CHD9NB: variants seen among roughly 807,000 people sequenced by gnomAD.
CHD9NB encodes CHD9 neighbor, also known as CHD9 neighbor protein.
chr16:53,044,600 C>A, the CHD9NB span, among the ~76,000 whole-genome samples: 3 of 152,298 alleles, frequency 2.0e-5, no homozygotes, highest in Admixed American at 6.5e-5. Context: ...TAGAGACCAC[C>A]CTTTAACCTA....
chr16:53,049,144 C>T, the CHD9NB span, among the ~76,000 whole-genome samples: 1 of 152,112 alleles, frequency 6.6e-6, no homozygotes, highest in African/African-American at 2.4e-5. Context: ...CAGGCATGAG[C>T]CACTGGGCCC....
At chr16:53,048,813 G>T in the CHD9NB span, among the ~76,000 whole-genome samples, 1 of 152,166 alleles carries the variant, frequency 6.6e-6, no homozygotes, top group Non-Finnish European at 1.5e-5. Flanking sequence ...GGAAGCTGGG[G>T]ACATAAGCAC....
chr16:53,042,048 T>C, the CHD9NB span, among the ~76,000 whole-genome samples: 1 of 152,208 alleles, frequency 6.6e-6, no homozygotes, highest in Non-Finnish European at 1.5e-5. Flanking sequence ...CCTCCTTCCT[T>C]ATTTTTTCCT....
At chr16:53,051,714 C>T in the CHD9NB span, among the ~76,000 whole-genome samples, 2 of 145,178 alleles carry the variant, frequency 1.4e-5, no homozygotes, top group African/African-American at 5.3e-5. Flanking sequence ...CACATGTATA[C>T]ATATGTAACA....
At chr16:53,049,322 TTGTG>T in the CHD9NB span, among the ~76,000 whole-genome samples, 38,505 of 144,684 alleles carry the variant, frequency 0.27, 5,649 homozygotes, top group Non-Finnish European at 0.34. Context: ...CCCCCAGCTG[TTGTG>T]TGTGTGTGTG....
At chr16:53,051,819 C>T in the CHD9NB span, among the ~76,000 whole-genome samples, 5,446 of 113,506 alleles carry the variant, frequency 0.048, 126 homozygotes, top group African/African-American at 0.072. Flanking sequence ...ATAATGAGTA[C>T]CTTGCCTATC....
the CHD9NB span, among the ~76,000 whole-genome samples, chr16:53,038,985 C>G: frequency 6.6e-6 from 1 of 151,790 alleles, no homozygotes. Flanking sequence ...AAAACTCAAC[C>G]CCTCATCTTC....
chr16:53,041,057 C>T, the CHD9NB span, among the ~76,000 whole-genome samples: 1 of 151,358 alleles, frequency 6.6e-6, no homozygotes, highest in African/African-American at 2.4e-5. Context: ...GACTGAAGAA[C>T]AGATGGGTGG....
chr16:53,048,640 A>G, the CHD9NB span, among the ~76,000 whole-genome samples: 2 of 152,198 alleles, frequency 1.3e-5, no homozygotes, highest in African/African-American at 4.8e-5. Context: ...TTATTGAACC[A>G]CAAGGTACAA....
At chr16:53,036,519 A>G in the CHD9NB span, among the ~76,000 whole-genome samples, 1 of 152,064 alleles carries the variant, frequency 6.6e-6, no homozygotes, top group Non-Finnish European at 1.5e-5. Flanking sequence ...GTGTGTGGGG[A>G]GAGAATGCAG....
chr16:53,051,478 A>T, the CHD9NB span, among the ~76,000 whole-genome samples: 1 of 151,878 alleles, frequency 6.6e-6, no homozygotes, highest in Non-Finnish European at 1.5e-5. Context: ...AGGGACATGG[A>T]TGAAGCTGGA....
the CHD9NB span, among the ~76,000 whole-genome samples, chr16:53,039,574 G>A: frequency 1.3e-5 from 2 of 152,008 alleles, no homozygotes; most frequent in Admixed American, 6.6e-5. Flanking sequence ...GCAAAACCCC[G>A]TCTCTACTAA....
the CHD9NB span, among the ~76,000 whole-genome samples, chr16:53,036,244 G>A: frequency 6.6e-6 from 1 of 152,172 alleles, no homozygotes; most frequent in Non-Finnish European, 1.5e-5. Context: ...CGTAAGGTAT[G>A]AATTTTACCT....
the CHD9NB span, among the ~76,000 whole-genome samples, chr16:53,045,115 G>GT: frequency 1.3e-5 from 2 of 151,734 alleles, no homozygotes; most frequent in African/African-American, 4.8e-5. Context: ...TGTTTGTTTT[G>GT]TTTTTTTGTA....
the CHD9NB span, among the ~76,000 whole-genome samples, chr16:53,048,952 G>A: frequency 6.6e-6 from 1 of 152,228 alleles, no homozygotes; most frequent in Non-Finnish European, 1.5e-5. Flanking sequence ...ACACAGAGCA[G>A]GATGGAGAGT....
chr16:53,044,211 G>A, the CHD9NB span: 1 of 398,582 alleles, frequency 2.5e-6, no homozygotes, highest in Middle Eastern at 6.3e-4. Flanking sequence ...GAGGAGGAAG[G>A]TCTGTGCCTT....
chr16:53,051,810 T>TATATATAA, the CHD9NB span, among the ~76,000 whole-genome samples: 2 of 136,166 alleles, frequency 1.5e-5, no homozygotes, highest in Non-Finnish European at 3.1e-5. Context: ...TATATATATA[T>TATATATAA]AATGAGTACC....
the CHD9NB span, among the ~76,000 whole-genome samples, chr16:53,045,702 G>A: frequency 0.043 from 6,476 of 152,216 alleles, 142 homozygotes; most frequent in African/African-American, 0.055. Context: ...TACCGGCCTC[G>A]GGCACTTTAC....
the CHD9NB span, among the ~76,000 whole-genome samples, chr16:53,040,713 T>C: frequency 1.3e-5 from 2 of 152,178 alleles, no homozygotes; most frequent in Non-Finnish European, 2.9e-5. Context: ...CAGGAATGAA[T>C]GAATGATGAG....
Sources: allele counts gnomAD v4.1 joint callset (sites outside exome capture counted in the v4.1 genomes callset), GRCh38; gene constraint gnomAD v4.1.1; transcripts MANE v1.5; gene names NCBI Gene and HGNC (gene_info 2026-07-23, HGNC 2026-07-21).